EVI5: variants seen among roughly 807,000 people sequenced by gnomAD.
EVI5 encodes ecotropic viral integration site 5 protein homolog.
In EVI5, 73 loss-of-function variants were observed where a neutral mutation model predicts 112.0. The observed-to-expected ratio is 0.65, with a 90% CI of 0.54 to 0.79. The LOEUF is 0.79. EVI5 is among the 30% of genes least tolerant of loss of function. EVI5 has a pLI of 0.00. For missense variants in EVI5, 900 were observed against 968.8 expected, an observed-to-expected ratio of 0.93 and a Z score of 0.94; for synonymous variants, 305 against 319.9, an observed-to-expected ratio of 0.95 and a Z score of 0.50.
chr1:92,776,172 C>A (rs1372480196), intron 1 of EVI5, among the ~76,000 whole-genome samples: 2 of 150,380 alleles, frequency 1.3e-5, no homozygotes, highest in Non-Finnish European at 1.5e-5. Context: ...TTATTTTTTG[C>A]CAAATATTAG....
chr1:92,756,975 T>A, intron 1 of EVI5: 1 of 262,298 alleles, frequency 3.8e-6, no homozygotes, highest in Admixed American at 4.3e-5. Flanking sequence ...GTAAGGGTAA[T>A]AACTGACCCA....
chr1:92,541,541 G>A (rs1260289521), intron 19 of EVI5, among the ~76,000 whole-genome samples: 1 of 152,150 alleles, frequency 6.6e-6, no homozygotes, highest in Admixed American at 6.5e-5. Flanking sequence ...TGCTACTTTG[G>A]AAAACAGTAG....
chr1:92,569,252 T>C (rs139434656), intron 18 of EVI5, among the ~76,000 whole-genome samples: 1 of 152,332 alleles, frequency 6.6e-6, no homozygotes, highest in African/African-American at 2.4e-5. Context: ...AGATGGTCAA[T>C]ACATTTTTCA....
intron 19 of EVI5, among the ~76,000 whole-genome samples, chr1:92,542,577 A>G (rs1664996547): frequency 6.6e-6 from 1 of 152,222 alleles, no homozygotes; most frequent in Non-Finnish European, 1.5e-5. Context: ...GCCCAAATCC[A>G]TTAGAGGAAT....
At chr1:92,535,597 T>C (rs1312996776) in intron 19 of EVI5, among the ~76,000 whole-genome samples, 6 of 152,192 alleles carry the variant, frequency 3.9e-5, no homozygotes, top group Admixed American at 3.9e-4. Context: ...AATGAGTTCA[T>C]GTCCTTTGCA....
In EVI5 at chr1:92,704,594, T is replaced by A; in HGVS notation, c.300A>T (p.Glu100Asp). ...CCTTCTTTTTGCGTACATCTTCCCA[T>A]TCATTAACAATTCTTCCCCAAAGAA... The part of the protein sequence containing the change: ...SWILWGRIVN[E>D]WEDVRKKKEK... Residue 100 changes from glutamate to aspartate, a missense_variant, in exon 3 of 20, where the codon GAA becomes GAT. Coordinates refer to ENST00000684568, the MANE Select transcript of EVI5 (RefSeq NM_001350197.2). 1 of 1,590,544 alleles carries A rather than the reference T, an allele frequency of 6.3e-7. No homozygotes were observed. Among genetic ancestry groups the A allele is most frequent in the East Asian group, 2.3e-5 (1 of 44,330 alleles).
At chr1:92,663,346 AT>A (rs1664342921) in intron 12 of EVI5, 73 bp downstream of exon 12, 1 of 686,730 alleles carries the variant, frequency 1.5e-6, no homozygotes, top group African/African-American at 1.8e-5. Context: ...TAAAATATGA[AT>A]TTCGAGGTTT....
chr1:92,768,297 T>C (rs543133255), intron 1 of EVI5, among the ~76,000 whole-genome samples: 21 of 152,226 alleles, frequency 1.4e-4, no homozygotes, highest in African/African-American at 4.8e-4. Flanking sequence ...GATACACAGC[T>C]ACACAATAAA....
chr1:92,625,517 TCA>T (rs768769209), intron 15 of EVI5, among the ~76,000 whole-genome samples: 1 of 152,190 alleles, frequency 6.6e-6, no homozygotes, highest in African/African-American at 2.4e-5. Flanking sequence ...TAGAACACTT[TCA>T]CAGTTTGCAG....
At chr1:92,766,527 A>G (rs1682665457) in intron 1 of EVI5, among the ~76,000 whole-genome samples, 1 of 152,218 alleles carries the variant, frequency 6.6e-6, no homozygotes, top group South Asian at 2.1e-4. Context: ...TTCCCTGCCC[A>G]ATGTGAAATA....
chr1:92,664,434 C>T (rs1305329041), intron 11 of EVI5, among the ~76,000 whole-genome samples: 3 of 143,922 alleles, frequency 2.1e-5, no homozygotes, highest in Non-Finnish European at 3.0e-5. Flanking sequence ...TCCGAAGGTT[C>T]AATGAAATAT....
chr1:92,768,063 G>C (rs1401743172), intron 1 of EVI5, among the ~76,000 whole-genome samples: 1 of 134,954 alleles, frequency 7.4e-6, no homozygotes, highest in African/African-American at 2.8e-5. Context: ...CTGGGCAACA[G>C]AGCAAGACCC....
At chr1:92,557,054 C>G (rs1166752888) in intron 19 of EVI5, among the ~76,000 whole-genome samples, 2 of 152,128 alleles carry the variant, frequency 1.3e-5, no homozygotes, top group East Asian at 3.9e-4. Context: ...TCCTAATCAC[C>G]TACTTAAAAA....
At chr1:92,633,980 C>A (rs879151336) in intron 14 of EVI5, among the ~76,000 whole-genome samples, 2 of 152,164 alleles carry the variant, frequency 1.3e-5, no homozygotes, top group African/African-American at 4.8e-5. Context: ...GTTGAAAATT[C>A]TTTTCTTTAA....
intron 13 of EVI5, among the ~76,000 whole-genome samples, chr1:92,662,398 T>C (rs1664181312): frequency 6.6e-6 from 1 of 152,214 alleles, no homozygotes; most frequent in Admixed American, 6.5e-5. Flanking sequence ...ATGATACCTA[T>C]TATGAAAACA....
intron 18 of EVI5, among the ~76,000 whole-genome samples, chr1:92,571,585 G>A (rs1319498888): frequency 6.6e-6 from 1 of 152,010 alleles, no homozygotes; most frequent in Non-Finnish European, 1.5e-5. Flanking sequence ...AGTTAAAACA[G>A]GGTAACTATA....
At chr1:92,599,724 C>G (rs1365549837) in intron 18 of EVI5, among the ~76,000 whole-genome samples, 2 of 152,036 alleles carry the variant, frequency 1.3e-5, no homozygotes, top group Admixed American at 6.6e-5. Context: ...TAGGAAGATG[C>G]AGCAACATGC....
chr1:92,790,371 A>G (rs1290821922), intron 1 of EVI5, among the ~76,000 whole-genome samples: 1 of 152,148 alleles, frequency 6.6e-6, no homozygotes, highest in Non-Finnish European at 1.5e-5. Context: ...AGTGCTCAAT[A>G]ATAGCACATG....
intron 15 of EVI5, among the ~76,000 whole-genome samples, chr1:92,624,925 G>A (rs1397142067): frequency 6.6e-6 from 1 of 152,150 alleles, no homozygotes; most frequent in Admixed American, 6.5e-5. Context: ...GTAAGAAAAT[G>A]AACACTGTGA....
Sources: gnomAD v4.1 joint callset for allele counts (sites outside exome capture counted in the v4.1 genomes callset) on GRCh38, gnomAD v4.1.1 for gene constraint, MANE v1.5 for transcripts, NCBI Gene and HGNC (gene_info 2026-07-23, HGNC 2026-07-21) for gene names.